Variants in ANK3 observed in about 807,000 individuals in gnomAD.
ANK3 encodes the protein ankyrin 3.
A neutral mutation model predicts 370.9 loss-of-function variants in ANK3; 57 were observed. The observed-to-expected ratio is 0.15, with a 90% CI of 0.12 to 0.19. The LOEUF (loss-of-function observed/expected upper bound fraction) is 0.19. ANK3 is among the 10% of genes least tolerant of loss of function. ANK3 has a pLI of 1.00. For synonymous variants in ANK3, 1,929 were observed against 1,946.3 expected, an observed-to-expected ratio of 0.99 and a Z score of 0.23; for missense variants, 4,439 against 5,302.1, an observed-to-expected ratio of 0.84 and a Z score of 5.06.
intron 1 of ANK3, among the ~76,000 whole-genome samples, chr10:60,695,739 T>C (rs1411533477): frequency 5.9e-5 from 9 of 152,114 alleles, no homozygotes; most frequent in Non-Finnish European, 7.4e-5. Flanking sequence ...ATCTCTGGGA[T>C]GCATTCAAAG....
intron 2 of ANK3, among the ~76,000 whole-genome samples, chr10:60,469,909 G>T (rs2065174255): frequency 6.6e-6 from 1 of 151,482 alleles, no homozygotes; most frequent in Non-Finnish European, 1.5e-5. Flanking sequence ...TGGAACTGTG[G>T]TCTCATGGAC....
At chr10:60,611,272 T>C (rs1344228147) in intron 2 of ANK3, among the ~76,000 whole-genome samples, 1 of 152,072 alleles carries the variant, frequency 6.6e-6, no homozygotes, top group South Asian at 2.1e-4. Flanking sequence ...GCACACACCT[T>C]CAAGAAGGGC....
Position 60,072,024 on chromosome 10 carries a change from C to T in ANK3, c.8857G>A (p.Glu2953Lys), listed in dbSNP as rs370916329. The part of the protein sequence containing the change: ...GLLDQPSRRS[E>K]SSAVSHIPVR... ...GGAATGTGTGACACTGCTGAGCTCT[C>T]GCTCCTCCTGGAAGGCTGATCAAGC... Residue 2953 changes from glutamate (E) to lysine (K), a missense_variant, in exon 37 of 44, where the codon GAG (glutamate) becomes AAG (lysine). Coordinates refer to ENST00000280772, the MANE Select transcript of ANK3 (RefSeq NM_020987.5). The T allele has an allele frequency of 1.2e-5, 19 of 1,613,980 alleles. No individual in the cohort carries two copies. Among genetic ancestry groups the T allele is most frequent in the African/African-American group, 5.3e-5 (4 of 74,916 alleles).
At chr10:60,326,669 C>T (rs2049946902) in intron 1 of ANK3, among the ~76,000 whole-genome samples, 3 of 152,094 alleles carry the variant, frequency 2.0e-5, no homozygotes, top group African/African-American at 4.8e-5. Context: ...CTCCTACTGA[C>T]ACTCAGTGAT....
chr10:60,041,575 A>T (rs183016733), intron 43 of ANK3, among the ~76,000 whole-genome samples: 87 of 152,316 alleles, frequency 5.7e-4, no homozygotes, highest in Non-Finnish European at 9.0e-4. Flanking sequence ...GGATTGCCTG[A>T]AGAGCACGCA....
chr10:60,685,794 T>G (rs2079260161), intron 1 of ANK3, among the ~76,000 whole-genome samples: 2 of 152,102 alleles, frequency 1.3e-5, no homozygotes, highest in South Asian at 4.1e-4. Flanking sequence ...TAGCAAGATC[T>G]GCAAAGAAGA....
intron 1 of ANK3, among the ~76,000 whole-genome samples, chr10:60,307,660 A>T (rs1227194224): frequency 6.6e-6 from 1 of 152,106 alleles, no homozygotes; most frequent in Non-Finnish European, 1.5e-5. Flanking sequence ...TTTTAAATGA[A>T]AGGCTGTGGA....
chr10:60,547,324 C>T (rs1210406475), intron 2 of ANK3, among the ~76,000 whole-genome samples: 2 of 152,132 alleles, frequency 1.3e-5, no homozygotes, highest in Non-Finnish European at 2.9e-5. Context: ...AACTCCTGAC[C>T]TCATGATCCA....
intron 23 of ANK3, chr10:60,140,228 T>G (rs2094503175): frequency 2.8e-6 from 3 of 1,055,068 alleles, no homozygotes. Flanking sequence ...ACAGATCAAC[T>G]TTCTACTGCT....
At chr10:60,301,356 G>A (rs1483308047) in intron 1 of ANK3, among the ~76,000 whole-genome samples, 12 of 141,024 alleles carry the variant, frequency 8.5e-5, no homozygotes, top group African/African-American at 3.2e-4. Context: ...ACACACACAT[G>A]CACGCACAGA....
intron 1 of ANK3, among the ~76,000 whole-genome samples, chr10:60,296,295 G>A (rs1030989496): frequency 2.0e-5 from 3 of 152,160 alleles, no homozygotes; most frequent in African/African-American, 7.2e-5. Flanking sequence ...GAAATGACAT[G>A]TGACAAATAA....
chr10:60,583,411 G>A (rs1316537578), intron 2 of ANK3, among the ~76,000 whole-genome samples: 1 of 152,012 alleles, frequency 6.6e-6, no homozygotes, highest in African/African-American at 2.4e-5. Flanking sequence ...GCTATAGTCA[G>A]ATAGGAGGAA....
chr10:60,375,505 AG>A (rs2060659498), intron 1 of ANK3, among the ~76,000 whole-genome samples: 1 of 145,734 alleles, frequency 6.9e-6, no homozygotes, highest in Admixed American at 6.8e-5. Flanking sequence ...CTGGGGGGGG[AG>A]GGGGGAAGGA....
In ANK3 at chr10:60,044,126, C is replaced by T. The variant is rs1322330905; in HGVS notation, c.13066-1367G>A. 1.1e-5 allele frequency: 11 copies of T among 985,354 alleles called. No homozygotes were observed. The African/African-American group carries it at 1.4e-4, about 13-fold the overall frequency. 61.0% of individuals were successfully genotyped at this position (985,354 alleles called of 1,614,324 possible). A position where few individuals can be genotyped will look rare whatever the true frequency, so the allele number is the denominator to read the frequency against. ...GATAACAATTCGTCTTAATACTTTC[C>T]GAGTGATCTGTAGGAAGTAATGGTG... On this transcript the variant is annotated intron_variant, in intron 42 of 43. Coordinates refer to ENST00000280772, the MANE Select transcript of ANK3 (RefSeq NM_020987.5).
intron 42 of ANK3, chr10:60,042,985 C>T: frequency 7.7e-7 from 1 of 1,302,376 alleles, no homozygotes; most frequent in Non-Finnish European, 9.7e-7. Context: ...TTGTACTTGA[C>T]AATAATTCAG....
chr10:60,115,547 T>C (rs2093024464), intron 25 of ANK3, among the ~76,000 whole-genome samples: 1 of 152,198 alleles, frequency 6.6e-6, no homozygotes, highest in Non-Finnish European at 1.5e-5. Flanking sequence ...AAGTGCTTTA[T>C]AATAACTATG....
intron 43 of ANK3, among the ~76,000 whole-genome samples, chr10:60,031,758 T>C (rs141580380): frequency 5.3e-5 from 8 of 152,326 alleles, no homozygotes; most frequent in Admixed American, 2.6e-4. Context: ...GCCTGGCTTA[T>C]GGAAACATGT....
chr10:60,064,798 G>A (rs1290133743), intron 38 of ANK3, among the ~76,000 whole-genome samples: 1 of 152,108 alleles, frequency 6.6e-6, no homozygotes, highest in Non-Finnish European at 1.5e-5. Flanking sequence ...GGAGGCAGGG[G>A]GTGCAGTGAG....
chr10:60,395,610 C>T (rs58250060), intron 2 of ANK3, among the ~76,000 whole-genome samples: 19,964 of 76,378 alleles, frequency 0.26, 1,837 homozygotes, highest in East Asian at 0.32. Flanking sequence ...CTTTCTTTCT[C>T]TCTTTCGTTC....
Sources: allele counts gnomAD v4.1 joint callset (sites outside exome capture counted in the v4.1 genomes callset), GRCh38; gene constraint gnomAD v4.1.1; transcripts MANE v1.5; gene names NCBI Gene and HGNC (gene_info 2026-07-23, HGNC 2026-07-21).